The following TONSL variants were observed in gnomAD, a reference collection of about 807,000 sequenced individuals.
TONSL encodes the protein tonsoku like, DNA repair protein.
TONSL carries 112 observed loss-of-function variants against 147.1 expected under a neutral mutation model. That is an observed-to-expected ratio of 0.76 (90% confidence interval 0.65 to 0.89). The LOEUF is 0.89. Ranked by LOEUF, TONSL falls within the 40% of genes least tolerant of loss-of-function variation. The pLI is 0.00. For synonymous variants in TONSL, 868 were observed against 801.5 expected (o/e 1.08, Z -1.40); for missense variants, 1,883 against 1,864.6 (o/e 1.01, Z -0.18).
intron 3 of TONSL, 65 bp from the exon 4 acceptor site, chr8:144,443,386 T>TTG (rs1823791770): frequency 6.9e-7 from 1 of 1,452,608 alleles, no homozygotes; most frequent in African/African-American, 1.4e-5. Flanking sequence ...CACCGCCAGA[T>TTG]TCCCAGAGAC....
chr8:144,436,368 G>A lies in TONSL; in HGVS notation c.2065C>T (p.Pro689Ser). 1.3e-6 allele frequency: 2 copies of A among 1,503,690 alleles called. No individual in the cohort carries two copies. The highest frequency in any genetic ancestry group is 1.8e-6 in the Non-Finnish European group (2 of 1,133,542). 93.1% of individuals were successfully genotyped at this position (1,503,690 alleles called of 1,614,324 possible). ...FHTPSSLLFD[P>S]ETSPPLSPCP... The stretch of plus-strand genomic sequence containing the variant: ...GGGCTCAAAGGAGGAGAGGTCTCGG[G>A]GTCAAACAGAAGGCTGCTTGGGGTG... The change falls in exon 17 of 26, where the codon CCC becomes TCC. Residue 689 changes from proline to serine, a missense_variant. Coordinates refer to ENST00000409379, the MANE Select transcript of TONSL (RefSeq NM_013432.5).
At position 144,440,999 on chromosome 8, in the gene TONSL, G is replaced by A; in HGVS notation, c.978C>T (p.Asp326=). The A allele has an allele frequency of 6.2e-7, 1 of 1,613,192 alleles. No individual in the cohort carries two copies. The highest frequency in any genetic ancestry group is 8.5e-7 in the Non-Finnish European group (1 of 1,179,984). ...GGTAAGCCTCAGCTGCCCTGGGAAA[G>A]TCTCCTGCCTTGGAGAAGAGGTCCC... is the stretch of plus-strand genomic sequence containing the variant. ...QLGDLFSKAG[D]FPRAAEAYQK... Residue 326 remains aspartate (D), a synonymous_variant, in exon 8 of 26, where the codon GAC becomes GAT. Transcript: ENST00000409379.
rs140335247 is a variant in TONSL at position 144,430,488 on chromosome 8, G to C, written c.3859C>G (p.Pro1287Ala). Reference protein sequence around the residue: ...SLISLDLSANPEISCASLEEL... With the variant: ...SLISLDLSANAEISCASLEEL... ...TCCAAGCTGGCACAGCTGATCTCAG[G>C]GTTGGCAGACAGATCCAGTGAGATG... The change falls in exon 25 of 26, where the codon CCT becomes GCT. Residue 1287 changes from proline to alanine, a missense_variant. Coordinates refer to ENST00000409379, the MANE Select transcript of TONSL (RefSeq NM_013432.5). 11 of 1,613,604 alleles carry C rather than the reference G, an allele frequency of 6.8e-6. No homozygotes were observed. The highest frequency in any genetic ancestry group is 8.5e-6 in the Non-Finnish European group (10 of 1,179,754).
At chr8:144,430,975 TG>T in intron 24 of TONSL, 102 bp downstream of exon 24, 1 of 1,352,670 alleles carries the variant, frequency 7.4e-7, no homozygotes, top group Non-Finnish European at 1.0e-6. Flanking sequence ...TGGGATGTGC[TG>T]GGGAGGAGGA....
chr8:144,440,206 T>C lies in TONSL; in HGVS notation c.1295A>G (p.Gln432Arg), dbSNP rs1179960804. The C allele has an allele frequency of 1.1e-5, 18 of 1,593,358 alleles. No homozygotes were observed. Among genetic ancestry groups the C allele is most frequent in the Non-Finnish European group, 1.4e-5 (16 of 1,169,972 alleles). Residue 432 changes from glutamine (Q) to arginine (R), a missense_variant, in exon 11 of 26, where the codon CAG becomes CGG. By Grantham distance (43) the Gln-to-Arg change is conservative. Coordinates refer to ENST00000409379, the MANE Select transcript of TONSL (RefSeq NM_013432.5). ...CACGGTATGGAGATGCTGCAAGACC[T>C]GCCTCTGAGGAGCAGAGGGATGCTC... is the stretch of plus-strand genomic sequence containing the variant. Reference protein sequence around the residue: ...QQAQRPQLQRQVLQHLHTVQL... With the variant: ...QQAQRPQLQRRVLQHLHTVQL...
Position 144,442,815 on chromosome 8 carries a change from TA to T in TONSL, c.449-10del. 6.2e-7 allele frequency: 1 copy of T among 1,608,390 alleles called. No homozygotes were observed. The highest frequency in any genetic ancestry group is 8.5e-7 in the Non-Finnish European group (1 of 1,177,372). On this transcript the variant is annotated splice_polypyrimidine_tract_variant and intron_variant, in intron 4 of 25. Transcript: ENST00000409379. Reference sequence around the variant, plus strand: ...TCCCTGGGCCAGTGTCCCTGGAAGATACCCCCCCAAACACTCAGCCACTTCC... The same window carrying T: ...TCCCTGGGCCAGTGTCCCTGGAAGATCCCCCCCAAACACTCAGCCACTTCC...
chr8:144,435,932 T>A lies in TONSL; in HGVS notation c.2501A>T (p.Asp834Val). 1 of 1,574,024 alleles carries A rather than the reference T, an allele frequency of 6.4e-7. No homozygotes were observed. Among genetic ancestry groups the A allele is most frequent in the Non-Finnish European group, 8.6e-7 (1 of 1,156,988 alleles). The change falls in exon 17 of 26, where the codon GAC (aspartate) becomes GTC (valine). Residue 834 changes from aspartate to valine, a missense_variant. Transcript: ENST00000409379. ...CAGGGGCATGTCCAGCTCCAGCCAGTCCCCGGCCAGGCACTCCTCCTCCGG... is the reference window on the plus strand; with the variant it reads ...CAGGGGCATGTCCAGCTCCAGCCAGACCCCGGCCAGGCACTCCTCCTCCGG... ...LIPEEECLAG[D>V]WLELDMPLTR...
chr8:144,434,253 C>T lies in TONSL; in HGVS notation c.3112G>A (p.Val1038Met), dbSNP rs984838628. The change falls in exon 21 of 26, where the codon GTG becomes ATG. Residue 1038 changes from valine to methionine, a missense_variant. Coordinates refer to ENST00000409379, the MANE Select transcript of TONSL (RefSeq NM_013432.5). The stretch of plus-strand genomic sequence containing the variant: ...GAGAGGCCCAAGCCCTGGAGCTCCA[C>T]GGCCTGCAGCACCTGTTGGTGCTCC... ...QGEHQQVLQAVELQGLGLSFS... is the reference protein window; with the variant it reads ...QGEHQQVLQAMELQGLGLSFS... 6.6e-6 allele frequency: 10 copies of T among 1,520,632 alleles called. No homozygotes were observed. Among genetic ancestry groups the T allele is most frequent in the African/African-American group, 4.2e-5 (3 of 72,088 alleles). 94.2% of individuals were successfully genotyped at this position (1,520,632 alleles called of 1,614,324 possible).
chr8:144,429,809 G>A (rs1554878245), intron 25 of TONSL, among the ~76,000 whole-genome samples: 1 of 152,176 alleles, frequency 6.6e-6, no homozygotes, highest in African/African-American at 2.4e-5. Flanking sequence ...AGGTGAAGGG[G>A]AGGGGGCACA....
intron 25 of TONSL, among the ~76,000 whole-genome samples, chr8:144,430,026 C>A (rs1586678487): frequency 1.3e-5 from 2 of 152,146 alleles, no homozygotes; most frequent in East Asian, 3.8e-4. Context: ...AGGGTTGTGT[C>A]AGAGGAGCCC....
At chr8:144,430,956 G>A in intron 24 of TONSL, 122 bp downstream of exon 24, 2 of 1,155,486 alleles carry the variant, frequency 1.7e-6, no homozygotes, top group Non-Finnish European at 2.5e-6. Context: ...AACCGAAGGA[G>A]CCAGGTCTTG....
chr8:144,429,271 G>A lies in TONSL; in HGVS notation c.4009C>T (p.Leu1337=). Residue 1337 remains leucine, a synonymous_variant, in exon 26 of 26, where the codon CTG becomes TTG. Transcript: ENST00000409379. Reference sequence around the variant, plus strand: ...CAGAGGCGTCTGCTGCACAGCTGCAGTTCCCGGAGCTGCGCGGCTATCTTG... The same window carrying A: ...CAGAGGCGTCTGCTGCACAGCTGCAATTCCCGGAGCTGCGCGGCTATCTTG... The part of the protein sequence containing the change: ...WDKIAAQLRE[L]QLCSRRLCAE... 2 of 1,520,930 alleles carry A rather than the reference G, an allele frequency of 1.3e-6. No homozygotes were observed. Among genetic ancestry groups the A allele is most frequent in the Non-Finnish European group, 8.8e-7 (1 of 1,133,272 alleles). The allele number at this position is 1,520,930 out of a possible 1,614,324, so 94.2% of individuals were successfully genotyped here. A position where few individuals can be genotyped will look rare whatever the true frequency, so the allele number is the denominator to read the frequency against.
intron 13 of TONSL, among the ~76,000 whole-genome samples, chr8:144,437,480 C>A (rs1159316263): frequency 6.6e-6 from 1 of 152,054 alleles, no homozygotes; most frequent in Non-Finnish European, 1.5e-5. Flanking sequence ...AGCAGGTACC[C>A]CATTTTTTTT....
Position 144,440,501 on chromosome 8 carries a change from C to G in TONSL, c.1165-25G>C, listed in dbSNP as rs370486853. ...CCTGGAGCAGGAGGAAGGACAGGGT[C>G]GGGGGCTGCCGCTGTCTGCGTCCAA... On this transcript the variant is annotated intron_variant, in intron 9 of 25. Coordinates refer to ENST00000409379, the MANE Select transcript of TONSL (RefSeq NM_013432.5). The G allele has an allele frequency of 7.3e-5, 115 of 1,572,296 alleles. 2 individuals are homozygous for G. In the South Asian group the frequency reaches 1.1e-3, roughly 15 times the overall value.
At chr8:144,432,481 G>A (rs782720381) in intron 22 of TONSL, 21 bp from the exon 23 acceptor site, 18 of 1,519,184 alleles carry the variant, frequency 1.2e-5, no homozygotes, top group Middle Eastern at 2.4e-4. Flanking sequence ...GCCAGAATCC[G>A]TCAGCCCCAC....
At chr8:144,439,737 T>G in intron 11 of TONSL, 1 of 487,108 alleles carries the variant, frequency 2.1e-6, no homozygotes, top group South Asian at 2.9e-5. Flanking sequence ...AAGTGCACCG[T>G]CTCACCCCTG....
intron 7 of TONSL, 109 bp downstream of exon 7, chr8:144,441,928 C>T: frequency 1.1e-6 from 1 of 914,468 alleles, no homozygotes; most frequent in Non-Finnish European, 1.7e-6. Flanking sequence ...GTGCTCAGGC[C>T]TCCTCTGTGA....
At chr8:144,429,736 G>A (rs782022024) in intron 25 of TONSL, among the ~76,000 whole-genome samples, 5 of 152,218 alleles carry the variant, frequency 3.3e-5, no homozygotes, top group African/African-American at 1.2e-4. Flanking sequence ...GAACTGAGGT[G>A]TGGGGAAGGG....
rs749525244 is a variant in TONSL at position 144,438,550 on chromosome 8, C to T, written c.1574G>A (p.Arg525Gln). Reference protein sequence around the residue: ...GRRKGSKWNRRNDMGETLLHR... With the variant: ...GRRKGSKWNRQNDMGETLLHR... The stretch of plus-strand genomic sequence containing the variant: ...CAGCAGGGTCTCCCCCATGTCGTTT[C>T]GCCGGTTCCACTGTGGGCACAGCCA... Residue 525 changes from arginine to glutamine, a missense_variant, in exon 13 of 26, where the codon CGA (arginine) becomes CAA (glutamine). Coordinates refer to ENST00000409379, the MANE Select transcript of TONSL (RefSeq NM_013432.5). 11 of 1,613,018 alleles carry T rather than the reference C, an allele frequency of 6.8e-6. No homozygotes were observed. The highest frequency in any genetic ancestry group is 2.2e-5 in the East Asian group (1 of 44,884).
Sources: gnomAD v4.1 joint callset for allele counts (sites outside exome capture counted in the v4.1 genomes callset) on GRCh38, gnomAD v4.1.1 for gene constraint, MANE v1.5 for transcripts, NCBI Gene and HGNC (gene_info 2026-07-23, HGNC 2026-07-21) for gene names.